The following CAMK1 variants were observed in gnomAD, a reference collection of about 807,000 sequenced individuals.
CAMK1 encodes the protein calcium/calmodulin dependent protein kinase I.
In CAMK1, 39 loss-of-function variants were observed where a neutral mutation model predicts 49.1. The observed-to-expected ratio is 0.79, with a 90% CI of 0.62 to 1.04. The LOEUF (loss-of-function observed/expected upper bound fraction) is 1.04, where lower values mean the gene tolerates loss of function less well. CAMK1 is among the 50% of genes least tolerant of loss of function. CAMK1 has a pLI of 0.00. For synonymous variants in CAMK1, 192 were observed against 185.2 expected (o/e 1.04, Z -0.30); for missense variants, 457 against 472.2 (o/e 0.97, Z 0.30).
At chr3:9,766,283 A>G in intron 2 of CAMK1, 1 of 702,174 alleles carries the variant, frequency 1.4e-6, no homozygotes, top group African/African-American at 1.7e-5. Context: ...TCCTGATAAC[A>G]TTATGTGGCC....
chr3:9,759,089 T>G, intron 10 of CAMK1: 1 of 1,008,436 alleles, frequency 9.9e-7, no homozygotes, highest in Non-Finnish European at 1.6e-6. Context: ...CTCAGTCCCC[T>G]CAGCCCCTCC....
chr3:9,766,560 T>C (rs114348032), intron 2 of CAMK1: 1 of 706,452 alleles, frequency 1.4e-6, no homozygotes, highest in Non-Finnish European at 1.9e-6. Flanking sequence ...TTTAACAAAA[T>C]CCTCAGGTGA....
At chr3:9,760,915 G>T in intron 7 of CAMK1, 147 bp from the exon 8 acceptor site, 1 of 1,187,570 alleles carries the variant, frequency 8.4e-7, no homozygotes, top group Non-Finnish European at 1.2e-6. Context: ...GCTCACTCCT[G>T]TTCTAGCTAC....
At chr3:9,766,024 A>G (rs773577388) in intron 2 of CAMK1, 134 bp from the exon 3 acceptor site, 7 of 1,613,274 alleles carry the variant, frequency 4.3e-6, no homozygotes, top group Non-Finnish European at 5.9e-6. Context: ...TCACTCATCC[A>G]TCCCCTGGCT....
chr3:9,765,241 AATT>A (rs927744181), intron 3 of CAMK1, among the ~76,000 whole-genome samples: 2 of 151,880 alleles, frequency 1.3e-5, no homozygotes, highest in African/African-American at 4.8e-5. Context: ...AAAAAAAAAA[AATT>A]ATCTGCCCAG....
intron 2 of CAMK1, chr3:9,766,885 T>C (rs997782892): frequency 6.3e-6 from 1 of 158,300 alleles, no homozygotes; most frequent in Non-Finnish European, 1.4e-5. Flanking sequence ...TGCCAAAAAG[T>C]CTTAAGTGTC....
intron 2 of CAMK1, 69 bp from the exon 3 acceptor site, chr3:9,765,959 C>T (rs1316670134): frequency 1.2e-6 from 2 of 1,614,222 alleles, no homozygotes; most frequent in Admixed American, 3.3e-5. Context: ...CTCCTCCATT[C>T]CCTATGGGTT....
intron 10 of CAMK1, 170 bp from the exon 11 acceptor site, chr3:9,758,016 A>C (rs1329664481): frequency 1.9e-5 from 19 of 980,046 alleles, no homozygotes; most frequent in Non-Finnish European, 2.8e-5. Context: ...TTTATTATAT[A>C]TTTACACACA....
At chr3:9,761,084 C>T (rs1051454099) in intron 7 of CAMK1, 1 of 362,166 alleles carries the variant, frequency 2.8e-6, no homozygotes, top group Non-Finnish European at 5.1e-6. Context: ...TCCCTGACCT[C>T]CCTACTGAAA....
In CAMK1 at chr3:9,757,606, C is replaced by T. The variant is rs1231674345; in HGVS notation, c.1046G>A (p.Cys349Tyr). Residue 349 changes from cysteine (C) to tyrosine (Y), a missense_variant, in exon 12 of 12, where the codon TGT becomes TAT. Cys to Tyr is a radical substitution (Grantham distance 194). Transcript: ENST00000256460. The surrounding 1 kb of genome is among the most constrained non-coding windows in gnomAD (Gnocchi z 4.5). ...TPVAGGPAAG[C>Y]CCRDCCVEPG... Reference sequence around the variant, plus strand: ...CTCCACGCAGCAGTCTCGACAGCAACAGCCAGCTGCCGGCCCTGCATGGGA... The same window carrying T: ...CTCCACGCAGCAGTCTCGACAGCAATAGCCAGCTGCCGGCCCTGCATGGGA... The T allele has an allele frequency of 2.5e-6, 4 of 1,614,060 alleles. No individual in the cohort carries two copies. Among genetic ancestry groups the T allele is most frequent in the African/African-American group, 1.3e-5 (1 of 74,930 alleles).
rs943261435 is a variant in CAMK1 at position 9,760,021 on chromosome 3, T to C, written c.746-271A>G. 4 of 369,408 alleles carry C rather than the reference T, an allele frequency of 1.1e-5. No individual in the cohort carries two copies. The Admixed American group carries it at 1.5e-4, about 14-fold the overall frequency. 22.9% of individuals were successfully genotyped at this position (369,408 alleles called of 1,614,324 possible). On this transcript the variant is annotated intron_variant, in intron 8 of 11. Transcript: ENST00000256460. ...ACTTTGGGAGGCCAATGCAGGTGGA[T>C]CACGAGGTCAGGAGTTCAAGACCAG... is the stretch of plus-strand genomic sequence containing the variant.
intron 10 of CAMK1, chr3:9,759,118 A>G (rs1277845473): frequency 2.3e-6 from 3 of 1,282,904 alleles, no homozygotes; most frequent in Admixed American, 1.7e-5. Flanking sequence ...CAGGCTTAGC[A>G]CTTGCACTTC....
At chr3:9,767,049 C>G (rs1443447935) in intron 2 of CAMK1, among the ~76,000 whole-genome samples, 1 of 152,172 alleles carries the variant, frequency 6.6e-6, no homozygotes, top group Non-Finnish European at 1.5e-5. Flanking sequence ...CCACATAGAA[C>G]CATGCCTCTA....
chr3:9,757,370 A>G lies in CAMK1; in HGVS notation c.*169T>C. 6.2e-7 allele frequency: 1 copy of G among 1,613,698 alleles called. No homozygotes were observed. The highest frequency in any genetic ancestry group is 8.5e-7 in the Non-Finnish European group (1 of 1,179,804). ...GATGGTTTTATCTTCCCTTTATTACAAGAAGGAACAATAAAATAGAAACAT... is the reference window on the plus strand; with the variant it reads ...GATGGTTTTATCTTCCCTTTATTACGAGAAGGAACAATAAAATAGAAACAT... On this transcript the variant is annotated 3_prime_UTR_variant, in exon 12 of 12. Transcript: ENST00000256460. The surrounding 1 kb of genome is among the most constrained non-coding windows in gnomAD (Gnocchi z 4.5).
At chr3:9,767,912 A>G in intron 1 of CAMK1, 131 bp from the exon 2 acceptor site, 1 of 1,303,014 alleles carries the variant, frequency 7.7e-7, no homozygotes, top group Non-Finnish European at 1.0e-6. Context: ...AAATCATTCA[A>G]CAAACATTCA....
In CAMK1 at chr3:9,764,439, A is replaced by G. The variant is rs1454734067; in HGVS notation, c.216-1226T>C. Among the ~76,000 whole-genome samples, 6 of 152,076 alleles carry G rather than the reference A, an allele frequency of 3.9e-5. No individual in the cohort carries two copies. In the East Asian group the frequency reaches 5.8e-4, roughly 15 times the overall value. On this transcript the variant is annotated intron_variant, in intron 3 of 11. Coordinates refer to ENST00000256460, the MANE Select transcript of CAMK1 (RefSeq NM_003656.5). Reference sequence around the variant, plus strand: ...GTGATTCTTCTTTCTCAGCCTCTCAAGTAGCTGGGATTACAGGCATGCGCC... The same window carrying G: ...GTGATTCTTCTTTCTCAGCCTCTCAGGTAGCTGGGATTACAGGCATGCGCC...
intron 5 of CAMK1, 28 bp from the exon 6 acceptor site, chr3:9,761,785 GCAAT>G (rs1367095420): frequency 6.2e-7 from 1 of 1,613,040 alleles, no homozygotes; most frequent in East Asian, 2.2e-5. Context: ...AAGAGAAGGG[GCAAT>G]CAGAGATGGT....
At chr3:9,764,789 C>T (rs940799884) in intron 3 of CAMK1, among the ~76,000 whole-genome samples, 1 of 151,586 alleles carries the variant, frequency 6.6e-6, no homozygotes, top group Non-Finnish European at 1.5e-5. Flanking sequence ...TGTGCCACCA[C>T]GCCTGGCTAA....
In CAMK1 at chr3:9,763,019, C is replaced by T; in HGVS notation, c.324G>A (p.Val108=). Residue 108 remains valine, a synonymous_variant, in exon 5 of 12, where the codon GTG becomes GTA. Coordinates refer to ENST00000256460, the MANE Select transcript of CAMK1 (RefSeq NM_003656.5). ...CCCGCTCCGTGTAGAAGCCTTTTTC[C>T]ACAATACGGTCAAAGAGCTCCCCAC... The part of the protein sequence containing the change: ...VSGGELFDRI[V]EKGFYTERDA... 6.2e-6 allele frequency: 10 copies of T among 1,614,138 alleles called. No homozygotes were observed. Among genetic ancestry groups the T allele is most frequent in the Non-Finnish European group, 8.5e-6 (10 of 1,180,038 alleles).
Sources: gnomAD v4.1 joint callset for allele counts (sites outside exome capture counted in the v4.1 genomes callset) on GRCh38, gnomAD v4.1.1 for gene constraint, Gnocchi (gnomAD v3.1) non-coding constraint, MANE v1.5 for transcripts, NCBI Gene and HGNC (gene_info 2026-07-23, HGNC 2026-07-21) for gene names.